Variants in DENND1B observed in about 807,000 individuals in gnomAD.
The protein encoded by DENND1B is DENN domain-containing protein 1B.
DENND1B carries 59 observed loss-of-function variants against 90.1 expected under a neutral mutation model. The ratio of observed to expected loss-of-function variants is 0.65; its 90% CI spans 0.53 to 0.81. The LOEUF is 0.81. Among genes scored for constraint, DENND1B ranks in the 40% least tolerant of loss-of-function variants. The pLI is 0.00. For missense variants in DENND1B, 862 were observed against 912.6 expected (o/e 0.94, Z 0.71); for synonymous variants, 337 against 324.6 (o/e 1.04, Z -0.41).
intron 13 of DENND1B, among the ~76,000 whole-genome samples, chr1:197,602,795 T>G (rs994505059): frequency 2.6e-5 from 4 of 151,522 alleles, no homozygotes; most frequent in African/African-American, 9.7e-5. Context: ...CCCAAATTAA[T>G]AAATTCACTT....
intron 3 of DENND1B, among the ~76,000 whole-genome samples, chr1:197,695,772 C>A (rs1242036069): frequency 6.6e-6 from 1 of 150,884 alleles, no homozygotes; most frequent in Non-Finnish European, 1.5e-5. Context: ...TTTTAGAAAT[C>A]CACGATCATT....
chr1:197,694,691 C>A (rs1658252637), intron 3 of DENND1B, among the ~76,000 whole-genome samples: 1 of 151,322 alleles, frequency 6.6e-6, no homozygotes, highest in African/African-American at 2.4e-5. Context: ...AGATTTATTT[C>A]TTTCAATCAG....
chr1:197,626,758 T>C (rs1482388525), intron 10 of DENND1B, among the ~76,000 whole-genome samples: 1 of 151,188 alleles, frequency 6.6e-6, no homozygotes, highest in African/African-American at 2.4e-5. Context: ...TTTGAAAGGA[T>C]CAACAAAATT....
At chr1:197,671,879 C>G (rs1655543555) in intron 5 of DENND1B, among the ~76,000 whole-genome samples, 158 bp downstream of exon 5, 1 of 151,970 alleles carries the variant, frequency 6.6e-6, no homozygotes, top group Non-Finnish European at 1.5e-5. Context: ...AATGGTAAAT[C>G]TTTAAACTTA....
intron 20 of DENND1B, among the ~76,000 whole-genome samples, chr1:197,519,053 G>C (rs1285352830): frequency 6.6e-6 from 1 of 151,900 alleles, no homozygotes; most frequent in East Asian, 1.9e-4. Flanking sequence ...CTTGTCCATA[G>C]AGATGCAAGT....
At chr1:197,718,987 G>C (rs1660903116) in intron 2 of DENND1B, among the ~76,000 whole-genome samples, 1 of 151,944 alleles carries the variant, frequency 6.6e-6, no homozygotes, top group Admixed American at 6.6e-5. Context: ...AAGAGAAGAG[G>C]GTGTATCTAA....
intron 3 of DENND1B, among the ~76,000 whole-genome samples, chr1:197,677,706 G>A (rs1343943756): frequency 6.6e-6 from 1 of 152,128 alleles, no homozygotes; most frequent in African/African-American, 2.4e-5. Context: ...ACTTCAGTTT[G>A]AATACCACCA....
chr1:197,700,810 T>A (rs1249672638), intron 3 of DENND1B, among the ~76,000 whole-genome samples: 2 of 152,000 alleles, frequency 1.3e-5, no homozygotes, highest in Non-Finnish European at 2.9e-5. Flanking sequence ...AAGAAGACAT[T>A]TATGCAGCCA....
chr1:197,536,025 G>A (rs1445147578), intron 20 of DENND1B, among the ~76,000 whole-genome samples: 1 of 151,588 alleles, frequency 6.6e-6, no homozygotes, highest in Non-Finnish European at 1.5e-5. Context: ...GAAGGAACAG[G>A]GGATGGGAGA....
intron 5 of DENND1B, among the ~76,000 whole-genome samples, chr1:197,665,159 G>A (rs1401200800): frequency 6.6e-6 from 1 of 151,988 alleles, no homozygotes; most frequent in Non-Finnish European, 1.5e-5. Flanking sequence ...GTATTAAATA[G>A]GCCTAAATTC....
chr1:197,732,837 C>A (rs1253751825), intron 2 of DENND1B, among the ~76,000 whole-genome samples: 1 of 152,104 alleles, frequency 6.6e-6, no homozygotes, highest in African/African-American at 2.4e-5. Flanking sequence ...ATTGACAATG[C>A]CAATATAAGA....
At chr1:197,633,185 G>A (rs142810256) in intron 10 of DENND1B, among the ~76,000 whole-genome samples, 127 of 152,290 alleles carry the variant, frequency 8.3e-4, no homozygotes, top group African/African-American at 2.8e-3. Context: ...AGAGGAAAGG[G>A]TGAGAATGTC....
At chr1:197,650,233 C>T (rs1370131790) in intron 7 of DENND1B, among the ~76,000 whole-genome samples, 1 of 152,162 alleles carries the variant, frequency 6.6e-6, no homozygotes, top group Non-Finnish European at 1.5e-5. Context: ...TATTATTTAG[C>T]AAACAGCAAT....
intron 5 of DENND1B, among the ~76,000 whole-genome samples, chr1:197,659,625 G>GA (rs1266309727): frequency 6.6e-6 from 1 of 151,782 alleles, no homozygotes; most frequent in Non-Finnish European, 1.5e-5. Context: ...CAAAATGGAG[G>GA]AAAAAACAAT....
chr1:197,595,457 A>C lies in DENND1B; in HGVS notation c.922-124T>G, dbSNP rs756856096. The C allele has an allele frequency of 3.3e-5, 40 of 1,227,626 alleles. 2 individuals carry two copies. The South Asian group carries it at 5.9e-4, about 18-fold the overall frequency. 76.0% of individuals were successfully genotyped at this position (1,227,626 alleles called of 1,614,324 possible). A position where few individuals can be genotyped will look rare whatever the true frequency, so the allele number is the denominator to read the frequency against. ...CCAAAAATTCATCCTCCTCCCTGAT[A>C]GCTTATCTTTTTAACTGCAGAGAGC... On this transcript the variant is annotated intron_variant, in intron 13 of 22. Coordinates refer to ENST00000620048, the MANE Select transcript of DENND1B (RefSeq NM_001195215.2).
At chr1:197,720,278 C>T (rs1376759271) in intron 2 of DENND1B, among the ~76,000 whole-genome samples, 1 of 151,872 alleles carries the variant, frequency 6.6e-6, no homozygotes, top group Non-Finnish European at 1.5e-5. Context: ...ACTCTGTCAC[C>T]CAGGGTAGAG....
chr1:197,681,004 T>G (rs1275416379), intron 3 of DENND1B, among the ~76,000 whole-genome samples: 1 of 152,182 alleles, frequency 6.6e-6, no homozygotes, highest in African/African-American at 2.4e-5. Flanking sequence ...TAGTCAGCTA[T>G]TTGTTCTAAT....
At chr1:197,762,447 T>C (rs758595164) in intron 2 of DENND1B, among the ~76,000 whole-genome samples, 2 of 152,166 alleles carry the variant, frequency 1.3e-5, no homozygotes, top group Non-Finnish European at 2.9e-5. Context: ...AATTGTACTG[T>C]GTTTATTTGA....
At chr1:197,647,742 A>G (rs1680856309) in intron 7 of DENND1B, among the ~76,000 whole-genome samples, 1 of 152,140 alleles carries the variant, frequency 6.6e-6, no homozygotes, top group Admixed American at 6.5e-5. Context: ...TGAGGTCAGG[A>G]GTTTGAGACC....
Sources: allele counts gnomAD v4.1 joint callset (sites outside exome capture counted in the v4.1 genomes callset), GRCh38; gene constraint gnomAD v4.1.1; transcripts MANE v1.5; gene names NCBI Gene and HGNC (gene_info 2026-07-23, HGNC 2026-07-21).